Variants in PTRH1 observed in about 807,000 individuals in gnomAD.
PTRH1 encodes the protein peptidyl-tRNA hydrolase.
Under a neutral mutation model 15.7 loss-of-function variants are expected in PTRH1, and 13 were observed. The ratio of observed to expected loss-of-function variants is 0.83; its 90% CI spans 0.54 to 1.31. The LOEUF (loss-of-function observed/expected upper bound fraction) is 1.31. Ranked by LOEUF, PTRH1 falls within the 40% of genes most tolerant of loss-of-function variation. The probability of loss-of-function intolerance (pLI) is 0.00; values close to 1 mark genes in which losing one functional copy is unlikely to be tolerated. For missense variants in PTRH1, 319 were observed against 296.2 expected (o/e 1.08, Z -0.56); for synonymous variants, 139 against 136.7 (o/e 1.02, Z -0.12).
intron 1 of PTRH1, among the ~76,000 whole-genome samples, chr9:127,696,862 T>C (rs1484138989): frequency 6.6e-6 from 1 of 152,042 alleles, no homozygotes; most frequent in African/African-American, 2.4e-5. Context: ...CAAGACTCCA[T>C]CTCAAAAAAC....
At chr9:127,707,891 TGGG>T (rs1842682511) in intron 1 of PTRH1, among the ~76,000 whole-genome samples, 1 of 152,226 alleles carries the variant, frequency 6.6e-6, no homozygotes, top group Admixed American at 6.5e-5. Flanking sequence ...ACTGATGCTG[TGGG>T]TGACCACAGC....
intron 1 of PTRH1, chr9:127,707,277 C>T (rs1842668069): frequency 2.7e-6 from 4 of 1,471,824 alleles, no homozygotes; most frequent in Admixed American, 1.9e-5. Context: ...GGCCATGGGG[C>T]CTTAGGCCTG....
chr9:127,706,980 T>A, intron 1 of PTRH1: 2 of 1,599,058 alleles, frequency 1.3e-6, no homozygotes, highest in Admixed American at 1.7e-5. Context: ...CCAGCTTCCT[T>A]AGCAACCACC....
In PTRH1 at chr9:127,715,174, G is replaced by A. The variant is rs546018475; in HGVS notation, c.117C>T (p.Pro39=). 1.2e-4 allele frequency: 188 copies of A among 1,529,336 alleles called. No individual in the cohort carries two copies. In the African/African-American group the frequency reaches 2.3e-3, roughly 19 times the overall value. 94.7% of individuals were successfully genotyped at this position (1,529,336 alleles called of 1,614,324 possible). ...CGCTGTGTCGCGTGCCGGGCAGTCC[G>A]GGATTCCCCAGGCCAGCCACCTGCG... ...KRWMVAGLGN[P]GLPGTRHSVG... The change falls in exon 2 of 5, where the codon CCC becomes CCT. Residue 39 remains proline (P), a synonymous_variant. Transcript: ENST00000543175. The surrounding 1 kb of genome is among the most constrained non-coding windows in gnomAD (Gnocchi z 5.8).
At chr9:127,710,411 G>A (rs747905607), downstream of PTRH1, among the ~76,000 whole-genome samples, 3 of 152,202 alleles carry the variant, frequency 2.0e-5, no homozygotes, top group Non-Finnish European at 4.4e-5. Context: ...GTGGAGGGAG[G>A]GCAACCCAGA....
chr9:127,695,044 G>A lies in PTRH1; in HGVS notation c.303C>T (p.Ser101=), dbSNP rs1023034474. The A allele has an allele frequency of 1.3e-5, 9 of 697,826 alleles. No homozygotes were observed. The African/African-American group carries it at 1.5e-4, about 11-fold the overall frequency. 43.2% of individuals were successfully genotyped at this position (697,826 alleles called of 1,614,324 possible). The change falls in exon 2 of 3, where the codon AGC becomes AGT. Residue 101 remains serine (S), a synonymous_variant. Transcript: ENST00000335223. ...CCGGCTCCCAGGAAGCACAGTGAGGGCTCAGCCATTGATGATGATGATGAT... is the reference window on the plus strand; with the variant it reads ...CCGGCTCCCAGGAAGCACAGTGAGGACTCAGCCATTGATGATGATGATGAT...
chr9:127,707,239 C>T (rs1368735004), intron 1 of PTRH1: 2 of 1,589,886 alleles, frequency 1.3e-6, no homozygotes, highest in Non-Finnish European at 1.7e-6. Context: ...GTCAGAAGCC[C>T]ATGCCCAGGT....
intron 1 of PTRH1, among the ~76,000 whole-genome samples, chr9:127,703,611 AG>A (rs1308300734): frequency 6.6e-6 from 1 of 152,198 alleles, no homozygotes; most frequent in East Asian, 1.9e-4. Flanking sequence ...GCAGAGTGAC[AG>A]AGGTGTTTGT....
At chr9:127,711,490 C>T, downstream of PTRH1, 1 of 1,612,968 alleles carries the variant, frequency 6.2e-7, no homozygotes, top group Non-Finnish European at 8.5e-7. Flanking sequence ...AAAGAGGCCA[C>T]CAGAAGGTGT....
chr9:127,713,249 G>C, downstream of PTRH1: 1 of 1,433,008 alleles, frequency 7.0e-7, no homozygotes, highest in Non-Finnish European at 9.4e-7. Flanking sequence ...GTGGCAGCTA[G>C]TCCTGGGTAC....
chr9:127,714,912 G>GCCCCCCC, intron 2 of PTRH1, 63 bp downstream of exon 2: 3 of 766,720 alleles, frequency 3.9e-6, no homozygotes, highest in East Asian at 2.8e-5. Flanking sequence ...CTCCCCTCTG[G>GCCCCCCC]CCCCCGCGCC....
intron 1 of PTRH1, among the ~76,000 whole-genome samples, chr9:127,708,119 C>A (rs79213699): frequency 1.3e-5 from 2 of 152,200 alleles, no homozygotes; most frequent in South Asian, 4.1e-4. Context: ...CCTCAGCCCC[C>A]ACCCCTGAAA....
chr9:127,697,764 C>T (rs906995970), intron 1 of PTRH1, among the ~76,000 whole-genome samples: 8 of 152,302 alleles, frequency 5.3e-5, no homozygotes, highest in East Asian at 3.9e-4. Context: ...TCAACACATG[C>T]GCTCCTTCTT....
In PTRH1 at chr9:127,713,964, T is replaced by A. The variant is rs1404955203; in HGVS notation, c.*136A>T. On this transcript the variant is annotated 3_prime_UTR_variant, in exon 5 of 5. Transcript: ENST00000543175. ...CTGGTCCAGTCACAGTCACCCCCAC[T>A]TTAATCCGCAGGCAGCCTGGAACAG... The A allele has an allele frequency of 1.1e-5, 17 of 1,585,856 alleles. No homozygotes were observed. Among genetic ancestry groups the A allele is most frequent in the Non-Finnish European group, 1.5e-5 (17 of 1,154,888 alleles).
At chr9:127,710,902 A>C (rs1231152624), downstream of PTRH1, 1 of 951,966 alleles carries the variant, frequency 1.1e-6, no homozygotes, top group African/African-American at 1.7e-5. Flanking sequence ...TTGGAATCCC[A>C]GCTGGTGATT....
At chr9:127,712,498 C>T (rs1462804413), downstream of PTRH1, 4 of 1,459,576 alleles carry the variant, frequency 2.7e-6, no homozygotes, top group Non-Finnish European at 3.7e-6. Context: ...TGATTCTGGC[C>T]TTCAAAGATC....
downstream of PTRH1, chr9:127,712,112 G>T: frequency 1.3e-6 from 2 of 1,554,628 alleles, no homozygotes; most frequent in Non-Finnish European, 1.7e-6. Flanking sequence ...CTGTGGGCTT[G>T]GAGAGAAATG....
downstream of PTRH1, chr9:127,710,497 G>A (rs1842739812): frequency 7.2e-7 from 1 of 1,379,408 alleles, no homozygotes; most frequent in African/African-American, 1.4e-5. Flanking sequence ...ACCACACAGG[G>A]CGCACAGGAA....
chr9:127,696,939 C>T (rs1463181886), intron 1 of PTRH1, among the ~76,000 whole-genome samples: 3 of 151,910 alleles, frequency 2.0e-5, no homozygotes, highest in African/African-American at 7.3e-5. Flanking sequence ...TCTGTATAGG[C>T]TGGAACAAAT....
Sources: allele counts gnomAD v4.1 joint callset (sites outside exome capture counted in the v4.1 genomes callset), GRCh38; gene constraint gnomAD v4.1.1; non-coding constraint Gnocchi (gnomAD v3.1); transcripts MANE v1.5; gene names NCBI Gene and HGNC (gene_info 2026-07-23, HGNC 2026-07-21).